The following OPHN1 variants were observed in gnomAD, a reference collection of about 807,000 sequenced individuals.
OPHN1 encodes oligophrenin-1.
OPHN1 carries 11 observed loss-of-function variants against 60.7 expected under a neutral mutation model. The observed-to-expected ratio is 0.18, with a 90% CI of 0.11 to 0.30. The LOEUF is 0.30. Ranked by LOEUF, OPHN1 falls within the 10% of genes least tolerant of loss-of-function variation. The probability of loss-of-function intolerance (pLI) is 1.00; values close to 1 mark genes in which losing one functional copy is unlikely to be tolerated. For missense variants in OPHN1, 449 were observed against 611.0 expected (o/e 0.73, Z 2.80); for synonymous variants, 226 against 222.6 (o/e 1.02, Z -0.14).
intron 5 of OPHN1, among the ~76,000 whole-genome samples, chrX:68,253,826 T>C (rs1025524413): frequency 5.4e-5 from 6 of 111,823 alleles, no homozygotes; most frequent in African/African-American, 1.9e-4. Context: ...TCTACTGTTA[T>C]CAGTCTTGCC....
intron 2 of OPHN1, among the ~76,000 whole-genome samples, chrX:68,393,889 T>TTTTTTTG: frequency 1.6e-5 from 1 of 64,011 alleles, no homozygotes; most frequent in Non-Finnish European, 3.1e-5. Context: ...GACTTTGTTT[T>TTTTTTTG]TTTTTTTTTT....
rs1405783784 is a variant in OPHN1 at position 68,397,526 on chromosome X, T to A, written c.154+35341A>T. ...TTTTTTCTTTTATTTATTTATTTATTTTTTTTTTTTTTTTGAAACAGAGTC... is the reference window on the plus strand; with the variant it reads ...TTTTTTCTTTTATTTATTTATTTATATTTTTTTTTTTTTTGAAACAGAGTC... On this transcript the variant is annotated intron_variant, in intron 2 of 24. Transcript: ENST00000355520. 6.5e-4 allele frequency among the ~76,000 whole-genome samples: 33 copies of A among 51,077 alleles called. 1 individual carries two copies. The highest frequency in any genetic ancestry group is 3.1e-3 in the South Asian group (4 of 1,293). The allele number at this position is 51,077 out of a possible 115,157, so 44.4% of individuals were successfully genotyped here.
At chrX:68,319,338 C>T (rs1357627831) in intron 2 of OPHN1, among the ~76,000 whole-genome samples, 2 of 111,724 alleles carry the variant, frequency 1.8e-5, no homozygotes, top group Non-Finnish European at 3.8e-5. Context: ...CAGACTTAAA[C>T]ATTAAACAAC....
Position 68,052,590 on chromosome X carries a change from C to T in OPHN1, c.2325G>A (p.Val775=). The T allele has an allele frequency of 8.3e-7, 1 of 1,206,620 alleles. No individual in the cohort carries two copies. The highest frequency in any genetic ancestry group is 1.1e-6 in the Non-Finnish European group (1 of 892,697). Residue 775 remains valine (V), a splice_region_variant and synonymous_variant, in exon 23 of 25, where the codon GTG becomes GTA. Coordinates refer to ENST00000355520, the MANE Select transcript of OPHN1 (RefSeq NM_002547.3). ...AGNAGEITSS[V]VASRTRFFET... ...CAAAAAACCTGGTCCTGGAAGCCAC[C>T]CTGCAAACAGAAGCCAACCAAGTCC...
chrX:68,194,532 T>A (rs2147458042), intron 12 of OPHN1, 34 bp from the exon 13 acceptor site: 1 of 1,117,553 alleles, frequency 8.9e-7, no homozygotes, highest in South Asian at 1.8e-5. Context: ...GATCCATGGC[T>A]ATTGTCAATC....
chrX:68,238,602 A>G (rs1158537415), intron 5 of OPHN1, among the ~76,000 whole-genome samples: 1 of 111,753 alleles, frequency 8.9e-6, no homozygotes, highest in Non-Finnish European at 1.9e-5. Flanking sequence ...GTTTTTCCCA[A>G]TAGAGATCTT....
chrX:68,177,745 C>A (rs1160076425), intron 15 of OPHN1, among the ~76,000 whole-genome samples: 1 of 110,673 alleles, frequency 9.0e-6, no homozygotes, highest in African/African-American at 3.3e-5. Context: ...GTCACAAGAA[C>A]TGACTCATTA....
intron 2 of OPHN1, among the ~76,000 whole-genome samples, chrX:68,413,921 T>C (rs1404311766): frequency 9.0e-6 from 1 of 111,570 alleles, no homozygotes; most frequent in African/African-American, 3.3e-5. Flanking sequence ...ACAATATTCA[T>C]GGGATAAGAC....
At chrX:68,268,630 T>C (rs1271477512) in intron 5 of OPHN1, among the ~76,000 whole-genome samples, 3 of 111,283 alleles carry the variant, frequency 2.7e-5, no homozygotes, top group African/African-American at 9.8e-5. Context: ...CCACAGACAA[T>C]ATCATACTGA....
At chrX:68,069,915 G>C (rs916518966) in intron 20 of OPHN1, among the ~76,000 whole-genome samples, 1 of 111,095 alleles carries the variant, frequency 9.0e-6, no homozygotes, top group Non-Finnish European at 1.9e-5. Flanking sequence ...TTACAGTAGA[G>C]AGCAAAAGAG....
chrX:68,110,156 C>T (rs1015855091), intron 18 of OPHN1, among the ~76,000 whole-genome samples: 1 of 111,623 alleles, frequency 9.0e-6, no homozygotes, highest in Non-Finnish European at 1.9e-5. Flanking sequence ...AGGACAGTTT[C>T]CCCATAGTCT....
intron 2 of OPHN1, among the ~76,000 whole-genome samples, chrX:68,329,363 A>ATT (rs1022900645): frequency 3.6e-5 from 4 of 112,649 alleles, no homozygotes; most frequent in Non-Finnish European, 7.5e-5. Context: ...ACTCTTGCAC[A>ATT]CTGCCCAGGA....
chrX:68,282,311 T>C (rs766675020), intron 4 of OPHN1, among the ~76,000 whole-genome samples: 5 of 111,959 alleles, frequency 4.5e-5, no homozygotes, highest in African/African-American at 1.3e-4. Flanking sequence ...ACATACTGTT[T>C]GATATCTACT....
At chrX:68,208,004 CTCTT>C (rs762508482) in intron 9 of OPHN1, among the ~76,000 whole-genome samples, 54 of 110,823 alleles carry the variant, frequency 4.9e-4, no homozygotes, top group Non-Finnish European at 8.9e-4. Flanking sequence ...TTCTTTCTCT[CTCTT>C]TCTTTCTTTC....
intron 6 of OPHN1, among the ~76,000 whole-genome samples, chrX:68,234,091 C>CAAAAAA (rs33932284): frequency 2.3e-5 from 1 of 44,176 alleles, no homozygotes; most frequent in Admixed American, 3.9e-4. Context: ...AACCCCTCAC[C>CAAAAAA]AAAAAAAAAA....
intron 2 of OPHN1, among the ~76,000 whole-genome samples, chrX:68,302,314 G>A (rs1421527901): frequency 8.9e-6 from 1 of 111,968 alleles, no homozygotes; most frequent in Non-Finnish European, 1.9e-5. Context: ...CAAGAGCCAG[G>A]CGCAGTAGCT....
At chrX:68,374,354 C>CAA (rs151096060) in intron 2 of OPHN1, among the ~76,000 whole-genome samples, 13,421 of 70,652 alleles carry the variant, frequency 0.19, 1,374 homozygotes, top group African/African-American at 0.36. Flanking sequence ...GACTCCATCT[C>CAA]AAAAAAAAAA....
intron 18 of OPHN1, among the ~76,000 whole-genome samples, chrX:68,109,289 TG>T (rs2077094408): frequency 8.9e-6 from 1 of 111,974 alleles, no homozygotes; most frequent in African/African-American, 3.2e-5. Context: ...TTTTGTGTCT[TG>T]TTTTTTTTCA....
chrX:68,168,881 C>T (rs867664987), intron 15 of OPHN1, among the ~76,000 whole-genome samples: 3 of 111,144 alleles, frequency 2.7e-5, no homozygotes, highest in Non-Finnish European at 3.8e-5. Context: ...AACACCTCTA[C>T]GCAAATAAAC....
Sources: gnomAD v4.1 joint callset for allele counts (sites outside exome capture counted in the v4.1 genomes callset) on GRCh38, gnomAD v4.1.1 for gene constraint, MANE v1.5 for transcripts, NCBI Gene and HGNC (gene_info 2026-07-23, HGNC 2026-07-21) for gene names.